The following PRKG1 variants were observed in gnomAD, a reference collection of about 807,000 sequenced individuals.
PRKG1 encodes cGMP-dependent protein kinase 1.
PRKG1 carries 35 observed loss-of-function variants against 88.1 expected under a neutral mutation model. The observed-to-expected ratio is 0.40, with a 90% CI of 0.30 to 0.53. PRKG1 has a LOEUF of 0.53. Among genes scored for constraint, PRKG1 ranks in the 20% least tolerant of loss-of-function variants. The probability of loss-of-function intolerance (pLI) is 0.59; values close to 1 mark genes in which losing one functional copy is unlikely to be tolerated. For synonymous variants in PRKG1, 303 were observed against 292.5 expected (o/e 1.04, Z -0.37); for missense variants, 540 against 839.8 (o/e 0.64, Z 4.41).
At chr10:51,330,343 G>T (rs1841708029) in intron 2 of PRKG1, among the ~76,000 whole-genome samples, 1 of 151,624 alleles carries the variant, frequency 6.6e-6, no homozygotes, top group African/African-American at 2.4e-5. Flanking sequence ...TAGAGATGGG[G>T]TTTCACCATG....
At chr10:51,663,702 C>CAAAAAA (rs56804341) in intron 3 of PRKG1, among the ~76,000 whole-genome samples, 5 of 72,720 alleles carry the variant, frequency 6.9e-5, no homozygotes, top group African/African-American at 1.0e-4. Context: ...GACCCTGTCT[C>CAAAAAA]AAAAAAAAAA....
At chr10:51,287,748 A>C (rs1840479630) in intron 2 of PRKG1, among the ~76,000 whole-genome samples, 1 of 152,146 alleles carries the variant, frequency 6.6e-6, no homozygotes, top group South Asian at 2.1e-4. Context: ...GCTGAGATAC[A>C]TATATATCTA....
At chr10:51,604,792 T>A (rs957876581) in intron 3 of PRKG1, among the ~76,000 whole-genome samples, 1 of 152,218 alleles carries the variant, frequency 6.6e-6, no homozygotes, top group Non-Finnish European at 1.5e-5. Flanking sequence ...CCCATGGCAG[T>A]GTCCAGGACT....
At chr10:51,922,456 T>C (rs1842482918) in intron 5 of PRKG1, among the ~76,000 whole-genome samples, 1 of 151,848 alleles carries the variant, frequency 6.6e-6, no homozygotes, top group Non-Finnish European at 1.5e-5. Context: ...TAATTTGATC[T>C]TATTTTTCTA....
At chr10:51,748,382 T>G (rs78933177) in intron 3 of PRKG1, among the ~76,000 whole-genome samples, 1 of 152,228 alleles carries the variant, frequency 6.6e-6, no homozygotes, top group Non-Finnish European at 1.5e-5. Flanking sequence ...AAGGGAATAT[T>G]TCAGTCTGTA....
chr10:51,535,795 G>A (rs1319601346), intron 3 of PRKG1, among the ~76,000 whole-genome samples: 2 of 150,100 alleles, frequency 1.3e-5, no homozygotes, highest in Non-Finnish European at 2.9e-5. Context: ...CACGATATCA[G>A]CTCACTGCAA....
intron 5 of PRKG1, among the ~76,000 whole-genome samples, chr10:52,043,246 T>C (rs1293669384): frequency 6.6e-6 from 1 of 152,136 alleles, no homozygotes; most frequent in Non-Finnish European, 1.5e-5. Flanking sequence ...TGAAACCATG[T>C]ATTGAAGTGA....
chr10:51,906,004 C>G (rs566989033), intron 4 of PRKG1, among the ~76,000 whole-genome samples: 1 of 152,000 alleles, frequency 6.6e-6, no homozygotes, highest in African/African-American at 2.4e-5. Context: ...ACTTGTAGTA[C>G]GAGATTAAAG....
intron 2 of PRKG1, among the ~76,000 whole-genome samples, chr10:51,438,653 T>G (rs1016009885): frequency 6.6e-6 from 1 of 151,950 alleles, no homozygotes; most frequent in African/African-American, 2.4e-5. Context: ...CAATGATGAT[T>G]TATCACTGGT....
At chr10:51,487,145 C>G (rs1034153344) in intron 3 of PRKG1, among the ~76,000 whole-genome samples, 8 of 152,112 alleles carry the variant, frequency 5.3e-5, no homozygotes, top group Non-Finnish European at 1.2e-4. Context: ...AAGCCAGTAA[C>G]ACCTGTTCAA....
intron 2 of PRKG1, among the ~76,000 whole-genome samples, chr10:51,267,215 G>C (rs1183643572): frequency 6.6e-6 from 1 of 152,040 alleles, no homozygotes; most frequent in East Asian, 1.9e-4. Context: ...ATAACATAAT[G>C]ATCACACGTA....
chr10:51,851,950 C>A (rs187624772), intron 4 of PRKG1, among the ~76,000 whole-genome samples: 1 of 151,964 alleles, frequency 6.6e-6, no homozygotes, highest in Admixed American at 6.6e-5. Flanking sequence ...TAGTGATGCT[C>A]GCCATGGTCA....
chr10:51,739,015 G>T (rs1012524539), intron 3 of PRKG1, among the ~76,000 whole-genome samples: 3 of 152,118 alleles, frequency 2.0e-5, no homozygotes, highest in Non-Finnish European at 4.4e-5. Flanking sequence ...GAAGGGCCAT[G>T]TTACTTGTTT....
At chr10:51,324,426 G>T (rs1238362621) in intron 2 of PRKG1, among the ~76,000 whole-genome samples, 1 of 152,140 alleles carries the variant, frequency 6.6e-6, no homozygotes, top group Non-Finnish European at 1.5e-5. Context: ...CAAACGACAA[G>T]ATTTTATCCT....
chr10:52,047,517 G>A lies in PRKG1; in HGVS notation c.763-6967G>A, dbSNP rs145110940. Among the ~76,000 whole-genome samples the A allele has an allele frequency of 1.8e-3, 273 of 152,154 alleles. 1 individual carries two copies. Among genetic ancestry groups the A allele is most frequent in the African/African-American group, 6.3e-3 (261 of 41,532 alleles). ...ATATTCCAAACCACCAAAATCTAAG[G>A]ATAGCAATGGTGAGAATTTTATGCT... On this transcript the variant is annotated intron_variant, in intron 5 of 17. Coordinates refer to ENST00000373980, the MANE Select transcript of PRKG1 (RefSeq NM_006258.4).
intron 8 of PRKG1, among the ~76,000 whole-genome samples, chr10:52,153,281 T>C (rs1837991185): frequency 6.6e-6 from 1 of 152,084 alleles, no homozygotes; most frequent in African/African-American, 2.4e-5. Context: ...ATACATAAAA[T>C]CCTATTTCAA....
At chr10:51,284,114 A>T (rs996178032) in intron 2 of PRKG1, among the ~76,000 whole-genome samples, 1 of 152,242 alleles carries the variant, frequency 6.6e-6, no homozygotes, top group Non-Finnish European at 1.5e-5. Context: ...TTTCTATTCC[A>T]GGTAGCAAGA....
At chr10:51,957,998 G>A (rs1843354526) in intron 5 of PRKG1, among the ~76,000 whole-genome samples, 2 of 152,122 alleles carry the variant, frequency 1.3e-5, no homozygotes, top group African/African-American at 4.8e-5. Flanking sequence ...AATTCTCAAA[G>A]TAGAGTATCA....
At chr10:51,895,984 G>A (rs1841835701) in intron 4 of PRKG1, among the ~76,000 whole-genome samples, 1 of 152,102 alleles carries the variant, frequency 6.6e-6, no homozygotes, top group South Asian at 2.1e-4. Flanking sequence ...TTGTGACATT[G>A]ATAGCAGGGA....
Sources: gnomAD v4.1 joint callset for allele counts (sites outside exome capture counted in the v4.1 genomes callset) on GRCh38, gnomAD v4.1.1 for gene constraint, MANE v1.5 for transcripts, NCBI Gene and HGNC (gene_info 2026-07-23, HGNC 2026-07-21) for gene names.